Variants in RBPJ observed in about 807,000 individuals in gnomAD.
RBPJ encodes the protein recombination signal binding protein for immunoglobulin kappa J region.
A neutral mutation model predicts 67.8 loss-of-function variants in RBPJ; 9 were observed. That is an observed-to-expected ratio of 0.13 (90% CI 0.08 to 0.23). The LOEUF (loss-of-function observed/expected upper bound fraction) is 0.23, where lower values mean the gene tolerates loss of function less well. Among genes scored for constraint, RBPJ ranks in the 10% least tolerant of loss-of-function variants. The pLI is 1.00. For missense variants in RBPJ, 305 were observed against 595.6 expected (o/e 0.51, Z 5.08); for synonymous variants, 198 against 203.3 (o/e 0.97, Z 0.22).
At chr4:26,323,950 T>A (rs1483946775) in intron 1 of RBPJ, among the ~76,000 whole-genome samples, 1 of 152,260 alleles carries the variant, frequency 6.6e-6, no homozygotes, top group Non-Finnish European at 1.5e-5. Flanking sequence ...CTAAATTTCA[T>A]GTTATCTCAA....
At chr4:26,129,767 C>G in the RBPJ span, among the ~76,000 whole-genome samples, 1 of 152,286 alleles carries the variant, frequency 6.6e-6, no homozygotes, top group East Asian at 1.9e-4. Context: ...AGCCTCCAGA[C>G]AGCAGACTCA....
chr4:26,129,660 A>C, the RBPJ span, among the ~76,000 whole-genome samples: 18 of 152,154 alleles, frequency 1.2e-4, no homozygotes, highest in Non-Finnish European at 2.4e-4. Context: ...GTTACCTATC[A>C]ATCTCCAAAT....
chr4:26,135,924 C>T, the RBPJ span, among the ~76,000 whole-genome samples: 2 of 152,146 alleles, frequency 1.3e-5, no homozygotes, highest in African/African-American at 4.8e-5. Flanking sequence ...AAAGACATAC[C>T]TGAGACTGTA....
At chr4:26,355,810 C>T (rs1471642658) in intron 1 of RBPJ, among the ~76,000 whole-genome samples, 2 of 152,164 alleles carry the variant, frequency 1.3e-5, no homozygotes, top group African/African-American at 4.8e-5. Context: ...AGGAAGAACA[C>T]CATAGCTCAT....
At chr4:26,203,822 T>C (rs1718073667) in intron 1 of RBPJ, among the ~76,000 whole-genome samples, 1 of 152,192 alleles carries the variant, frequency 6.6e-6, no homozygotes, top group African/African-American at 2.4e-5. Flanking sequence ...AGTACATCCA[T>C]CAGATCAACC....
chr4:26,167,824 G>T (rs9799476), intron 1 of RBPJ, among the ~76,000 whole-genome samples: 57,023 of 150,772 alleles, frequency 0.38, 12,218 homozygotes, highest in Non-Finnish European at 0.48. Context: ...TCCAGTTTTT[G>T]CCCATTCAGT....
At chr4:26,118,315 C>A in the RBPJ span, among the ~76,000 whole-genome samples, 1 of 152,142 alleles carries the variant, frequency 6.6e-6, no homozygotes, top group South Asian at 2.1e-4. Flanking sequence ...GTGTGAAGAA[C>A]TAAAGAATCT....
intron 1 of RBPJ, among the ~76,000 whole-genome samples, chr4:26,301,548 C>T (rs1430728294): frequency 1.5e-4 from 22 of 150,064 alleles, no homozygotes; most frequent in African/African-American, 4.9e-4. Flanking sequence ...GCCAAAATGG[C>T]GCCACTGCAC....
At chr4:26,327,239 A>G (rs1445983094) in intron 1 of RBPJ, among the ~76,000 whole-genome samples, 1 of 152,074 alleles carries the variant, frequency 6.6e-6, no homozygotes, top group Non-Finnish European at 1.5e-5. Context: ...TGTCATATTT[A>G]CTGTAGGAGG....
At position 26,416,251 on chromosome 4, in the gene RBPJ, A is replaced by G. The variant is rs139155043; in HGVS notation, c.321+611A>G. 5.9e-5 allele frequency among the ~76,000 whole-genome samples: 9 copies of G among 152,214 alleles called. No individual in the cohort carries two copies. In the East Asian group the frequency reaches 1.7e-3, roughly 29 times the overall value. ...ATTGTATGAATTTAGAAAGCAGTCA[A>G]TCTAGATCTTTTTTTTTCTTCCCCC... is the stretch of plus-strand genomic sequence containing the variant. On this transcript the variant is annotated intron_variant, in intron 4 of 10. Transcript: ENST00000355476.
Position 26,263,377 on chromosome 4 carries a change from C to T in RBPJ, c.-166-99069C>T, listed in dbSNP as rs569274507. On this transcript the variant is annotated intron_variant, in intron 1 of 4. Coordinates refer to the RBPJ transcript ENST00000512351. The stretch of plus-strand genomic sequence containing the variant: ...ATTGGCTAGGCCTTAGTCACATGAC[C>T]GTCTCCCACTGCAAAGGAGTCTGGG... 4.0e-5 allele frequency among the ~76,000 whole-genome samples: 6 copies of T among 149,354 alleles called. No individual in the cohort carries two copies. In the East Asian group the frequency reaches 1.0e-3, roughly 25 times the overall value.
intron 1 of RBPJ, among the ~76,000 whole-genome samples, chr4:26,299,978 C>A (rs1302485469): frequency 6.6e-6 from 1 of 152,118 alleles, no homozygotes; most frequent in Non-Finnish European, 1.5e-5. Flanking sequence ...AGCCACCGCG[C>A]CTGGCCCAGT....
At chr4:26,193,269 T>A (rs145846272) in intron 1 of RBPJ, among the ~76,000 whole-genome samples, 1 of 152,344 alleles carries the variant, frequency 6.6e-6, no homozygotes, top group African/African-American at 2.4e-5. Flanking sequence ...GAGGGATGAA[T>A]ATTCACAAAG....
At chr4:26,299,672 C>CTTTTT (rs397879662) in intron 1 of RBPJ, among the ~76,000 whole-genome samples, 5 of 85,308 alleles carry the variant, frequency 5.9e-5, no homozygotes, top group Admixed American at 3.3e-4. Flanking sequence ...AGACTGTGTG[C>CTTTTT]TTTTTTTTTT....
chr4:26,430,322 T>A lies in RBPJ; in HGVS notation c.1045-97T>A, dbSNP rs7676740. 2.5e-3 allele frequency: 2,740 copies of A among 1,108,506 alleles called. 57 individuals carry two copies. The African/African-American group carries it at 0.038, about 15-fold the overall frequency. 68.7% of individuals were successfully genotyped at this position (1,108,506 alleles called of 1,614,324 possible). A position where few individuals can be genotyped will look rare whatever the true frequency, so the allele number is the denominator to read the frequency against. On this transcript the variant is annotated intron_variant, in intron 9 of 10. Coordinates refer to ENST00000355476, the MANE Select transcript of RBPJ (RefSeq NM_015874.6). This position sits in a 1 kb window ranked among gnomAD's most constrained non-coding sequence, Gnocchi z 4.1. Reference sequence around the variant, plus strand: ...AAAAAACATTTTAATTGCCCTTTTTTAAAAAAAACAAATGAAAGTTGAATG... The same window carrying A: ...AAAAAACATTTTAATTGCCCTTTTTAAAAAAAAACAAATGAAAGTTGAATG...
chr4:26,147,386 A>G, the RBPJ span, among the ~76,000 whole-genome samples: 1 of 152,178 alleles, frequency 6.6e-6, no homozygotes, highest in Non-Finnish European at 1.5e-5. Flanking sequence ...GGTCACTTTC[A>G]AAGTCTGTTA....
chr4:26,181,997 A>C (rs1717015441), intron 1 of RBPJ, among the ~76,000 whole-genome samples: 1 of 152,218 alleles, frequency 6.6e-6, no homozygotes. Flanking sequence ...TAATCAATTA[A>C]CTTTAGCTTA....
At chr4:26,180,940 G>A (rs1716962141) in intron 1 of RBPJ, among the ~76,000 whole-genome samples, 1 of 152,142 alleles carries the variant, frequency 6.6e-6, no homozygotes, top group Non-Finnish European at 1.5e-5. Flanking sequence ...TTCCCATGCT[G>A]TTCTCAAGAT....
At chr4:26,154,595 T>C in the RBPJ span, among the ~76,000 whole-genome samples, 2 of 152,164 alleles carry the variant, frequency 1.3e-5, no homozygotes, top group Non-Finnish European at 2.9e-5. Flanking sequence ...AAAATGAAGA[T>C]TGGTTGGCTT....
Sources: gnomAD v4.1 joint callset for allele counts (sites outside exome capture counted in the v4.1 genomes callset) on GRCh38, gnomAD v4.1.1 for gene constraint, Gnocchi (gnomAD v3.1) non-coding constraint, MANE v1.5 for transcripts, NCBI Gene and HGNC (gene_info 2026-07-23, HGNC 2026-07-21) for gene names.